CTNNA3: variants seen among roughly 807,000 people sequenced by gnomAD.
CTNNA3 encodes the protein catenin alpha-3.
CTNNA3 carries 76 observed loss-of-function variants against 95.7 expected under a neutral mutation model. The ratio of observed to expected loss-of-function variants is 0.79; its 90% confidence interval spans 0.66 to 0.96. CTNNA3 has a LOEUF of 0.96. CTNNA3 is among the 40% of genes least tolerant of loss of function. The probability of loss-of-function intolerance (pLI) is 0.00; values close to 1 mark genes in which losing one functional copy is unlikely to be tolerated. For missense variants in CTNNA3, 1,191 were observed against 1,089.8 expected (o/e 1.09, Z -1.31); for synonymous variants, 431 against 374.4 (o/e 1.15, Z -1.74).
intron 17 of CTNNA3, among the ~76,000 whole-genome samples, chr10:65,960,119 CTT>C (rs2077812829): frequency 6.6e-6 from 1 of 152,212 alleles, no homozygotes; most frequent in Non-Finnish European, 1.5e-5. Flanking sequence ...GAAAACTACT[CTT>C]TCCATTTTAC....
intron 7 of CTNNA3, among the ~76,000 whole-genome samples, chr10:67,168,153 T>C (rs1313505382): frequency 6.6e-6 from 1 of 151,822 alleles, no homozygotes; most frequent in African/African-American, 2.4e-5. Context: ...AAAAAGGTTA[T>C]CCAACATTAA....
chr10:66,746,172 T>C (rs10822908), intron 9 of CTNNA3, among the ~76,000 whole-genome samples: 35,422 of 152,080 alleles, frequency 0.23, 5,050 homozygotes, highest in East Asian at 0.49. Context: ...GTAACAAAGT[T>C]GGTTTTGCCA....
At chr10:67,261,572 T>C (rs1866609161) in intron 5 of CTNNA3, among the ~76,000 whole-genome samples, 1 of 152,164 alleles carries the variant, frequency 6.6e-6, no homozygotes, top group Admixed American at 6.5e-5. Context: ...TTCTCATTAA[T>C]TCTGGCTTAG....
intron 7 of CTNNA3, among the ~76,000 whole-genome samples, chr10:66,978,180 G>T (rs1564808163): frequency 6.6e-6 from 1 of 151,914 alleles, no homozygotes; most frequent in Non-Finnish European, 1.5e-5. Flanking sequence ...AGTTATGCAA[G>T]ATGAATAAGT....
chr10:66,931,054 T>C (rs16923788), intron 7 of CTNNA3, among the ~76,000 whole-genome samples: 2,064 of 152,280 alleles, frequency 0.014, 45 homozygotes, highest in African/African-American at 0.047. Context: ...CATCCCATGG[T>C]ACTTTCTGGA....
chr10:66,078,885 C>T (rs2080634481), intron 14 of CTNNA3: 1 of 151,752 alleles, frequency 6.6e-6, no homozygotes, highest in Non-Finnish European at 1.5e-5. Flanking sequence ...CACAAGAATG[C>T]CTTTAAGATG....
In CTNNA3 at chr10:66,815,686, A is replaced by T. The variant is rs1842051010; in HGVS notation, c.1048-40162T>A. 2.0e-5 allele frequency among the ~76,000 whole-genome samples: 3 copies of T among 152,234 alleles called. No homozygotes were observed. The South Asian group carries it at 6.2e-4, about 32-fold the overall frequency. On this transcript the variant is annotated intron_variant, in intron 7 of 17. Coordinates refer to ENST00000433211, the MANE Select transcript of CTNNA3 (RefSeq NM_013266.4). ...AAGGCAATCCAAAAAGCTTGTAAAT[A>T]AAAGTTTGGAAATAATATATTTAAA...
At chr10:67,425,100 G>T (rs928320557) in intron 5 of CTNNA3, among the ~76,000 whole-genome samples, 1 of 152,058 alleles carries the variant, frequency 6.6e-6, no homozygotes, top group African/African-American at 2.4e-5. Flanking sequence ...TGTAATAAAA[G>T]TTACTTTGCT....
chr10:67,636,266 C>T (rs985409905), intron 2 of CTNNA3, among the ~76,000 whole-genome samples: 3 of 152,106 alleles, frequency 2.0e-5, no homozygotes, highest in African/African-American at 7.2e-5. Context: ...AGATTCACTG[C>T]TATTCCTATT....
At chr10:66,784,504 T>C (rs1002438853) in intron 7 of CTNNA3, among the ~76,000 whole-genome samples, 8 of 152,180 alleles carry the variant, frequency 5.3e-5, no homozygotes, top group African/African-American at 1.9e-4. Context: ...ACTTGAGAGG[T>C]ACCAGTGGCT....
chr10:67,295,932 G>A (rs899065783), intron 5 of CTNNA3, among the ~76,000 whole-genome samples: 1 of 151,986 alleles, frequency 6.6e-6, no homozygotes, highest in Admixed American at 6.6e-5. Flanking sequence ...ACACATGCAG[G>A]GCCACTACCT....
intron 5 of CTNNA3, among the ~76,000 whole-genome samples, chr10:67,307,841 G>A (rs1840620658): frequency 6.6e-6 from 1 of 152,066 alleles, no homozygotes; most frequent in Non-Finnish European, 1.5e-5. Context: ...TAAGTGGCTA[G>A]GTAAATCAGA....
At chr10:67,505,981 C>T (rs188296151) in intron 5 of CTNNA3, among the ~76,000 whole-genome samples, 99 of 152,212 alleles carry the variant, frequency 6.5e-4, no homozygotes, top group Non-Finnish European at 1.1e-3. Flanking sequence ...ATTACAAGTT[C>T]ATATTGTGGC....
intron 13 of CTNNA3, among the ~76,000 whole-genome samples, chr10:66,223,612 T>C (rs777288806): frequency 1.3e-5 from 2 of 152,202 alleles, no homozygotes; most frequent in Non-Finnish European, 2.9e-5. Context: ...TAAGCACTGA[T>C]AAGACATCAT....
intron 11 of CTNNA3, among the ~76,000 whole-genome samples, chr10:66,392,780 G>A (rs1394512366): frequency 6.6e-6 from 1 of 152,118 alleles, no homozygotes; most frequent in African/African-American, 2.4e-5. Context: ...CATCGCTGAA[G>A]AGAATGTAAA....
chr10:65,920,444 C>A lies in CTNNA3; in HGVS notation c.2574G>T (p.Leu858Phe). Residue 858 changes from leucine to phenylalanine, a missense_variant, in exon 18 of 18, where the codon TTG becomes TTT. Coordinates refer to ENST00000433211, the MANE Select transcript of CTNNA3 (RefSeq NM_013266.4). The stretch of plus-strand genomic sequence containing the variant: ...TTTCCTCTGGCTTCTCTCTTTTAAT[C>A]AAGGGTTTTTTTGCAGGAGCCTTCA... ...WRMKAPAKKP[L>F]IKREKPEETC... 1 of 1,614,112 alleles carries A rather than the reference C, an allele frequency of 6.2e-7. No individual in the cohort carries two copies. The highest frequency in any genetic ancestry group is 8.5e-7 in the Non-Finnish European group (1 of 1,180,014).
chr10:65,956,585 G>T (rs1343323110), intron 17 of CTNNA3, among the ~76,000 whole-genome samples: 2 of 152,248 alleles, frequency 1.3e-5, no homozygotes, highest in Admixed American at 6.5e-5. Context: ...CTGGTATGTT[G>T]TGTCTTTGTT....
At chr10:67,377,984 AC>A (rs1843760113) in intron 5 of CTNNA3, among the ~76,000 whole-genome samples, 1 of 151,956 alleles carries the variant, frequency 6.6e-6, no homozygotes, top group Non-Finnish European at 1.5e-5. Context: ...GGTTCAAGCC[AC>A]CCCCACACTT....
At chr10:66,729,659 G>A (rs888371003) in intron 9 of CTNNA3, among the ~76,000 whole-genome samples, 4 of 152,176 alleles carry the variant, frequency 2.6e-5, no homozygotes, top group African/African-American at 4.8e-5. Flanking sequence ...GGAAGGGGGC[G>A]AGGGATAAAA....
Sources: gnomAD v4.1 joint callset for allele counts (sites outside exome capture counted in the v4.1 genomes callset) on GRCh38, gnomAD v4.1.1 for gene constraint, MANE v1.5 for transcripts, NCBI Gene and HGNC (gene_info 2026-07-23, HGNC 2026-07-21) for gene names.